The following MYT1L variants were observed in gnomAD, a reference collection of about 807,000 sequenced individuals.
MYT1L encodes the protein myelin transcription factor 1-like protein.
Under a neutral mutation model 126.7 loss-of-function variants are expected in MYT1L, and 12 were observed. The ratio of observed to expected loss-of-function variants is 0.09; its 90% CI spans 0.06 to 0.15. The LOEUF (loss-of-function observed/expected upper bound fraction) is 0.15. Among genes scored for constraint, MYT1L ranks in the 10% least tolerant of loss-of-function variants. MYT1L has a pLI of 1.00. For missense variants in MYT1L, 979 were observed against 1,585.2 expected (o/e 0.62, Z 6.49); for synonymous variants, 541 against 604.2 (o/e 0.90, Z 1.53).
intron 2 of MYT1L, among the ~76,000 whole-genome samples, chr2:2,201,933 T>C (rs374600243): frequency 6.6e-6 from 1 of 152,140 alleles, no homozygotes; most frequent in Non-Finnish European, 1.5e-5. Context: ...TAAGCATTAC[T>C]ATAAATGAAG....
At chr2:2,179,696 G>A (rs1451891560) in intron 2 of MYT1L, among the ~76,000 whole-genome samples, 10 of 152,280 alleles carry the variant, frequency 6.6e-5, no homozygotes, top group Middle Eastern at 3.4e-3. Context: ...CTAAAAGCAC[G>A]CACTGTAGCC....
At chr2:1,871,690 G>A (rs1020972870) in intron 18 of MYT1L, among the ~76,000 whole-genome samples, 1 of 152,124 alleles carries the variant, frequency 6.6e-6, no homozygotes, top group Non-Finnish European at 1.5e-5. Flanking sequence ...GGCCACCTCA[G>A]TCCTCAGCCT....
At chr2:2,184,332 G>C (rs940118566) in intron 2 of MYT1L, among the ~76,000 whole-genome samples, 1 of 152,152 alleles carries the variant, frequency 6.6e-6, no homozygotes, top group Admixed American at 6.5e-5. Context: ...GTAAACACAA[G>C]ACAGAGTTCG....
At chr2:2,069,309 G>C (rs1259895716) in intron 3 of MYT1L, among the ~76,000 whole-genome samples, 2 of 152,104 alleles carry the variant, frequency 1.3e-5, no homozygotes, top group Non-Finnish European at 2.9e-5. Context: ...ATTTATGAGT[G>C]AGAACATGCG....
At chr2:2,085,900 A>T (rs577005507) in intron 3 of MYT1L, among the ~76,000 whole-genome samples, 1 of 152,288 alleles carries the variant, frequency 6.6e-6, no homozygotes, top group African/African-American at 2.4e-5. Context: ...TTCATGAAGA[A>T]TGCGTTTGGG....
chr2:2,286,315 A>T (rs751276432), intron 1 of MYT1L, among the ~76,000 whole-genome samples: 2 of 152,164 alleles, frequency 1.3e-5, no homozygotes, highest in Non-Finnish European at 2.9e-5. Flanking sequence ...AGCATTGAGC[A>T]TTTGTGACAT....
intron 23 of MYT1L, among the ~76,000 whole-genome samples, chr2:1,796,627 C>T (rs188146304): frequency 2.2e-4 from 34 of 152,278 alleles, no homozygotes; most frequent in Middle Eastern, 6.8e-3. Context: ...TCAAATACCC[C>T]CATCCCCACC....
intron 4 of MYT1L, among the ~76,000 whole-genome samples, chr2:2,051,886 T>C (rs2068869347): frequency 6.6e-6 from 1 of 152,142 alleles, no homozygotes; most frequent in South Asian, 2.1e-4. Flanking sequence ...AGCCATATGA[T>C]CTACAAATTC....
intron 21 of MYT1L, among the ~76,000 whole-genome samples, chr2:1,814,023 T>TC (rs369141318): frequency 2.5e-5 from 2 of 80,298 alleles, no homozygotes; most frequent in African/African-American, 4.9e-5. Flanking sequence ...CGAGACTCCG[T>TC]CCCCAAAAAA....
chr2:1,872,083 G>A (rs1456404850), intron 18 of MYT1L, among the ~76,000 whole-genome samples: 8 of 152,186 alleles, frequency 5.3e-5, no homozygotes, highest in Non-Finnish European at 1.0e-4. Flanking sequence ...TGTACCTGGG[G>A]AAGTGGAAGT....
intron 21 of MYT1L, among the ~76,000 whole-genome samples, chr2:1,830,473 G>C (rs1291092122): frequency 1.3e-5 from 2 of 152,050 alleles, no homozygotes; most frequent in East Asian, 1.9e-4. Flanking sequence ...TGGGGAGATG[G>C]AGGAAAGGGT....
chr2:2,118,743 T>A (rs2080558512), intron 3 of MYT1L, among the ~76,000 whole-genome samples: 1 of 152,332 alleles, frequency 6.6e-6, no homozygotes, highest in South Asian at 2.1e-4. Context: ...ACAAAAGGAA[T>A]TTTAAAAATC....
intron 13 of MYT1L, among the ~76,000 whole-genome samples, chr2:1,906,887 G>A (rs1313436437): frequency 7.9e-5 from 12 of 151,330 alleles, no homozygotes; most frequent in Admixed American, 7.9e-4. Context: ...AGACCCACCA[G>A]AGCAATATAG....
chr2:2,293,264 C>T (rs982280865), intron 1 of MYT1L, among the ~76,000 whole-genome samples: 5 of 152,112 alleles, frequency 3.3e-5, no homozygotes, highest in East Asian at 1.9e-4. Flanking sequence ...AGAACAGCAC[C>T]GAGGAGGGAA....
intron 3 of MYT1L, among the ~76,000 whole-genome samples, chr2:2,131,905 CTTT>C (rs58810405): frequency 4.5e-4 from 50 of 111,076 alleles, no homozygotes; most frequent in African/African-American, 1.7e-3. Flanking sequence ...AGAGTTCATC[CTTT>C]TTTTTTTTTT....
chr2:2,029,485 C>T (rs1028045388), intron 4 of MYT1L, among the ~76,000 whole-genome samples: 5 of 152,192 alleles, frequency 3.3e-5, no homozygotes, highest in African/African-American at 1.2e-4. Flanking sequence ...TTCACTACCA[C>T]AAGAACAGTA....
At chr2:2,031,336 T>C (rs1157821415) in intron 4 of MYT1L, among the ~76,000 whole-genome samples, 42 of 152,098 alleles carry the variant, frequency 2.8e-4, no homozygotes, top group Non-Finnish European at 4.4e-5. Context: ...GGTTTTCCCA[T>C]GGTCAAACAG....
In MYT1L at chr2:1,790,979, G is replaced by A. The variant is rs114530208; in HGVS notation, c.*888C>T. ...GGGCACGAAACTCTAGGGGAGATAC[G>A]AGAAGGTTGTTCCAAAGTTTATTGA... On this transcript the variant is annotated 3_prime_UTR_variant, in exon 25 of 25. Coordinates refer to ENST00000647738, the MANE Select transcript of MYT1L (RefSeq NM_001303052.2). 8.0e-4 allele frequency: 229 copies of A among 285,096 alleles called. No homozygotes were observed. The highest frequency in any genetic ancestry group is 4.8e-3 in the African/African-American group (218 of 45,660). The allele number at this position is 285,096 out of a possible 1,614,324, so 17.7% of individuals were successfully genotyped here. A position where few individuals can be genotyped will look rare whatever the true frequency, so the allele number is the denominator to read the frequency against.
At position 2,215,948 on chromosome 2, in the gene MYT1L, T is replaced by C. The variant is rs2093663139; in HGVS notation, c.-420-42960A>G. Among the ~76,000 whole-genome samples, 2 of 152,152 alleles carry C rather than the reference T, an allele frequency of 1.3e-5. 1 individual carries two copies. Among genetic ancestry groups the C allele is most frequent in the South Asian group, 4.1e-4 (2 of 4,828 alleles). On this transcript the variant is annotated intron_variant, in intron 2 of 24. Coordinates refer to ENST00000647738, the MANE Select transcript of MYT1L (RefSeq NM_001303052.2). ...TGGCACGGTACTGTCTTCATGTTAGTGAATTCTCCTGAGATCTGGTCATTT... is the reference window on the plus strand; with the variant it reads ...TGGCACGGTACTGTCTTCATGTTAGCGAATTCTCCTGAGATCTGGTCATTT...
Sources: allele counts gnomAD v4.1 joint callset (sites outside exome capture counted in the v4.1 genomes callset), GRCh38; gene constraint gnomAD v4.1.1; transcripts MANE v1.5; gene names NCBI Gene and HGNC (gene_info 2026-07-23, HGNC 2026-07-21).